HCN4: variants seen among roughly 807,000 people sequenced by gnomAD.
The protein encoded by HCN4 is hyperpolarization activated cyclic nucleotide gated potassium channel 4.
A neutral mutation model predicts 76.9 loss-of-function variants in HCN4; 29 were observed. The observed-to-expected ratio is 0.38, with a 90% CI of 0.28 to 0.51. HCN4 has a LOEUF of 0.51. Ranked by LOEUF, HCN4 falls within the 20% of genes least tolerant of loss-of-function variation. The pLI is 0.90. For synonymous variants in HCN4, 772 were observed against 762.5 expected, an observed-to-expected ratio of 1.01 and a Z score of -0.21; for missense variants, 1,416 against 1,715.2, an observed-to-expected ratio of 0.83 and a Z score of 3.08.
intron 1 of HCN4, among the ~76,000 whole-genome samples, chr15:73,358,372 T>C (rs2043090492): frequency 6.6e-6 from 1 of 152,214 alleles, no homozygotes; most frequent in Non-Finnish European, 1.5e-5. Context: ...GAGAAGCCCA[T>C]GGCTGACTTT....
At chr15:73,340,812 G>A (rs1476093206) in intron 2 of HCN4, among the ~76,000 whole-genome samples, 1 of 152,240 alleles carries the variant, frequency 6.6e-6, no homozygotes, top group Non-Finnish European at 1.5e-5. Context: ...AGTCCCCCAT[G>A]GAGGGGCCCC....
intron 1 of HCN4, among the ~76,000 whole-genome samples, chr15:73,347,167 T>C (rs2043033309): frequency 6.6e-6 from 1 of 152,232 alleles, no homozygotes; most frequent in Non-Finnish European, 1.5e-5. Context: ...TTTCCATGCA[T>C]TACTTCATTT....
chr15:73,338,434 A>C (rs2042979447), intron 2 of HCN4, among the ~76,000 whole-genome samples: 2 of 152,212 alleles, frequency 1.3e-5, no homozygotes, highest in Admixed American at 1.3e-4. Flanking sequence ...ACTGCAGTGC[A>C]AGGACAGAGC....
At chr15:73,358,772 GCA>G (rs1425025304) in intron 1 of HCN4, among the ~76,000 whole-genome samples, 2 of 152,300 alleles carry the variant, frequency 1.3e-5, no homozygotes, top group South Asian at 2.1e-4. Context: ...CCAAGAAAGT[GCA>G]CAGAGTGGTT....
At chr15:73,359,493 CT>C (rs1173840885) in intron 1 of HCN4, among the ~76,000 whole-genome samples, 1 of 152,082 alleles carries the variant, frequency 6.6e-6, no homozygotes, top group African/African-American at 2.4e-5. Flanking sequence ...GCTCAGGGAA[CT>C]TAGGGAGAGC....
Position 73,366,403 on chromosome 15 carries a change from G to A in HCN4, c.785+1083C>T, listed in dbSNP as rs145163308. On this transcript the variant is annotated intron_variant, in intron 1 of 7. Coordinates refer to ENST00000261917, the MANE Select transcript of HCN4 (RefSeq NM_005477.3). ...AGGCAAGGAAGGGAGATAAGTAGGC[G>A]GCAGGGCCCAGAGAAAGAGAGAATG... 7.2e-3 allele frequency among the ~76,000 whole-genome samples: 1,093 copies of A among 152,232 alleles called. 6 individuals are homozygous for A. The highest frequency in any genetic ancestry group is 0.014 in the Middle Eastern group (4 of 290).
chr15:73,324,912 T>C, intron 6 of HCN4, 43 bp downstream of exon 6: 2 of 1,612,146 alleles, frequency 1.2e-6, no homozygotes, highest in South Asian at 1.1e-5. Flanking sequence ...AACCAGCCCC[T>C]GGGAGCAGCT....
intron 1 of HCN4, among the ~76,000 whole-genome samples, chr15:73,348,804 C>T (rs139279311): frequency 6.6e-6 from 1 of 152,182 alleles, no homozygotes; most frequent in East Asian, 1.9e-4. Context: ...CCATCTGTTA[C>T]CCTCTCCAAC....
chr15:73,337,688 C>T (rs1364202062), intron 2 of HCN4, among the ~76,000 whole-genome samples: 3 of 152,144 alleles, frequency 2.0e-5, no homozygotes, highest in Non-Finnish European at 4.4e-5. Flanking sequence ...AGAAGGGCTT[C>T]GTGATGAAGG....
At position 73,367,925 on chromosome 15, in the gene HCN4, CG is replaced by C; in HGVS notation, c.345del (p.Ser115ArgfsTer117). The C allele has an allele frequency of 7.3e-7, 1 of 1,374,268 alleles. No homozygotes were observed. Among genetic ancestry groups the C allele is most frequent in the Non-Finnish European group, 9.4e-7 (1 of 1,067,244 alleles). 85.1% of individuals were successfully genotyped at this position (1,374,268 alleles called of 1,614,324 possible). A position where few individuals can be genotyped will look rare whatever the true frequency, so the allele number is the denominator to read the frequency against. The stretch of plus-strand genomic sequence containing the variant: ...TCATGCAGGTGTCCGTGACTGCTGC[CG>C]CTCCCCGTGCCGCCGCTGCCGCCGC... ...SRGGGSGGTG[S>X]GSSHGHLHDS... is the part of the protein sequence containing the mutation. On this transcript the variant is annotated frameshift_variant, in exon 1 of 8. Transcript: ENST00000261917. LOFTEE classifies it high-confidence loss of function. This position sits in a 1 kb window ranked among gnomAD's most constrained non-coding sequence, Gnocchi z 7.5.
At chr15:73,358,913 C>T (rs1036896606) in intron 1 of HCN4, among the ~76,000 whole-genome samples, 1 of 151,198 alleles carries the variant, frequency 6.6e-6, no homozygotes, top group African/African-American at 2.5e-5. Context: ...CTCCATTTTG[C>T]CACCTCCAGC....
Position 73,323,090 on chromosome 15 carries a change from A to G in HCN4, c.3003T>C (p.Pro1001=). Residue 1001 remains proline (P), a synonymous_variant, in exon 8 of 8, where the codon CCT becomes CCC. Coordinates refer to ENST00000261917, the MANE Select transcript of HCN4 (RefSeq NM_005477.3). ...CCCCTGCCACAAGGGACGGCGGCTC[A>G]GGCTGCCGTGGGGGTGTCTCTGGCG... The part of the protein sequence containing the change: ...LSTPETPPRQ[P]EPPSLVAGAS... 1.3e-6 allele frequency: 2 copies of G among 1,582,926 alleles called. No homozygotes were observed. The highest frequency in any genetic ancestry group is 1.7e-4 in the Middle Eastern group (1 of 5,916).
chr15:73,338,794 C>A (rs1567782671), intron 2 of HCN4, among the ~76,000 whole-genome samples: 1 of 152,212 alleles, frequency 6.6e-6, no homozygotes, highest in Non-Finnish European at 1.5e-5. Flanking sequence ...AAGACAGCAA[C>A]CCCAGGCCTG....
chr15:73,324,905 C>T (rs1465442544), intron 6 of HCN4, 50 bp downstream of exon 6: 2 of 1,610,748 alleles, frequency 1.2e-6, no homozygotes, highest in African/African-American at 2.7e-5. Flanking sequence ...CTCCCCAAAC[C>T]AGCCCCTGGG....
At chr15:73,326,030 G>A (rs1229864907) in intron 4 of HCN4, among the ~76,000 whole-genome samples, 1 of 152,102 alleles carries the variant, frequency 6.6e-6, no homozygotes, top group East Asian at 1.9e-4. Flanking sequence ...AATTTGAGGG[G>A]ACCTTCAAAT....
chr15:73,323,548 C>A lies in HCN4; in HGVS notation c.2545G>T (p.Val849Leu), dbSNP rs202138767. The A allele has an allele frequency of 1.5e-5, 24 of 1,600,840 alleles. No individual in the cohort carries two copies. The highest frequency in any genetic ancestry group is 2.0e-5 in the Non-Finnish European group (24 of 1,179,860). The change falls in exon 8 of 8, where the codon GTG becomes TTG. Residue 849 changes from valine to leucine, a missense_variant. Val to Leu is a conservative substitution (Grantham distance 32, BLOSUM62 1). Transcript: ENST00000261917. ...AAGGAGGATGAAGACGGTGTGTCCA[C>A]CTGGGACGGGCTGCTGGCGGGCGAG... The part of the protein sequence containing the change: ...SASPASSPSQ[V>L]DTPSSSSFHI...
At chr15:73,326,798 T>G (rs1301933219) in intron 4 of HCN4, among the ~76,000 whole-genome samples, 1 of 150,784 alleles carries the variant, frequency 6.6e-6, no homozygotes, top group Non-Finnish European at 1.5e-5. Context: ...TATTTATTTT[T>G]TTTGTTAAGA....
At chr15:73,341,271 G>C (rs1433900839) in intron 2 of HCN4, among the ~76,000 whole-genome samples, 1 of 151,884 alleles carries the variant, frequency 6.6e-6, no homozygotes, top group Non-Finnish European at 1.5e-5. Flanking sequence ...CTCCCGAGTA[G>C]CTGGGATTAC....
At chr15:73,345,166 G>C (rs1190001252) in intron 1 of HCN4, among the ~76,000 whole-genome samples, 1 of 152,220 alleles carries the variant, frequency 6.6e-6, no homozygotes, top group African/African-American at 2.4e-5. Flanking sequence ...AGGTTGCAAA[G>C]AAATTACTTC....
Sources: gnomAD v4.1 joint callset for allele counts (sites outside exome capture counted in the v4.1 genomes callset) on GRCh38, gnomAD v4.1.1 for gene constraint, Gnocchi (gnomAD v3.1) non-coding constraint, MANE v1.5 for transcripts, NCBI Gene and HGNC (gene_info 2026-07-23, HGNC 2026-07-21) for gene names.